USP50: variants seen among roughly 807,000 people sequenced by gnomAD.
USP50 encodes the protein ubiquitin specific peptidase 50.
Under a neutral mutation model 39.2 loss-of-function variants are expected in USP50, and 37 were observed. The observed-to-expected ratio is 0.94, with a 90% CI of 0.73 to 1.24. USP50 has a LOEUF of 1.24. Among genes scored for constraint, USP50 ranks in the 50% most tolerant of loss-of-function variants. The pLI is 0.00. For synonymous variants in USP50, 139 were observed against 144.5 expected (o/e 0.96, Z 0.27); for missense variants, 374 against 398.2 (o/e 0.94, Z 0.52).
chr15:50,504,049 T>A (rs1596002759), intron 6 of USP50: 1 of 152,318 alleles, frequency 6.6e-6, no homozygotes, highest in East Asian at 1.9e-4. Context: ...TTACGGGCTC[T>A]GCATCTTCAG....
intron 5 of USP50, among the ~76,000 whole-genome samples, chr15:50,533,059 G>A (rs929711780): frequency 4.0e-5 from 6 of 151,718 alleles, no homozygotes; most frequent in East Asian, 1.9e-4. Flanking sequence ...GTATCCCAGC[G>A]CTTTGGGAGA....
intron 4 of USP50, among the ~76,000 whole-genome samples, chr15:50,539,960 G>A (rs536904621): frequency 6.6e-6 from 1 of 152,300 alleles, no homozygotes; most frequent in Non-Finnish European, 1.5e-5. Flanking sequence ...GGAGCCACTA[G>A]CACCTTACTT....
In USP50 at chr15:50,544,623, T is replaced by C. The variant is rs1051749554; in HGVS notation, c.212A>G (p.Tyr71Cys). The change falls in exon 2 of 7, where the codon TAC becomes TGC. Residue 71 changes from tyrosine to cysteine, a missense_variant. Tyr to Cys is a radical substitution (Grantham distance 194). Transcript: ENST00000532404. Reference protein sequence around the residue: ...CLCSILPLVEYFLTGKYITAL... With the variant: ...CLCSILPLVECFLTGKYITAL... ...GGTGATATACTTCCCGGTGAGAAAG[T>C]ATTCCACCAGCGGCAAGATGCTGCA... is the stretch of plus-strand genomic sequence containing the variant. 4 of 1,613,722 alleles carry C rather than the reference T, an allele frequency of 2.5e-6. No individual in the cohort carries two copies. The highest frequency in any genetic ancestry group is 8.5e-7 in the Non-Finnish European group (1 of 1,179,826).
chr15:50,525,809 T>A (rs201861187), intron 6 of USP50, among the ~76,000 whole-genome samples: 2 of 26,764 alleles, frequency 7.5e-5, no homozygotes, highest in South Asian at 1.1e-3. Context: ...AAAAATAATA[T>A]TAATGAGTTT....
intron 6 of USP50, chr15:50,503,004 C>G (rs1477076868): frequency 6.6e-6 from 1 of 152,182 alleles, no homozygotes; most frequent in African/African-American, 2.4e-5. Context: ...CTTCGTCTTC[C>G]CCACCTCTCT....
Position 50,539,114 on chromosome 15 carries a change from T to G in USP50, c.661-263A>C, listed in dbSNP as rs1019449991. ...TAGAAATCAGTTTTTTTTGGTTTTG[T>G]TTTTTTTTTTTTTGAGATGGAGTCT... On this transcript the variant is annotated intron_variant, in intron 4 of 6. Coordinates refer to ENST00000532404, the MANE Select transcript of USP50 (RefSeq NM_203494.5). Among the ~76,000 whole-genome samples, 4 of 68,992 alleles carry G rather than the reference T, an allele frequency of 5.8e-5. 1 individual carries two copies. The highest frequency in any genetic ancestry group is 1.4e-4 in the Admixed American group (1 of 7,072). The allele number at this position is 68,992 out of a possible 152,430, so 45.3% of individuals were successfully genotyped here.
At chr15:50,536,692 T>G (rs2052983143) in intron 5 of USP50, among the ~76,000 whole-genome samples, 3 of 151,920 alleles carry the variant, frequency 2.0e-5, no homozygotes, top group African/African-American at 7.3e-5. Context: ...ACAATACCAT[T>G]CACATTAGCA....
chr15:50,525,564 GTATATA>G lies in USP50; in HGVS notation c.936+4227_936+4232del, dbSNP rs1241490284. Among the ~76,000 whole-genome samples, 110 of 131,322 alleles carry G rather than the reference GTATATA, an allele frequency of 8.4e-4. 1 individual carries two copies. The East Asian group carries it at 9.4e-3, about 11-fold the overall frequency. The allele number at this position is 131,322 out of a possible 152,430, so 86.2% of individuals were successfully genotyped here. On this transcript the variant is annotated intron_variant, in intron 6 of 6. Coordinates refer to ENST00000532404, the MANE Select transcript of USP50 (RefSeq NM_203494.5). ...TATATATGTATATATGTGTATATAT[GTATATA>G]TGTATATGTATATATGTATATGTAT...
intron 6 of USP50, among the ~76,000 whole-genome samples, chr15:50,517,646 T>C (rs966910670): frequency 6.6e-6 from 1 of 152,108 alleles, no homozygotes; most frequent in Admixed American, 6.6e-5. Context: ...AAGGAAATCA[T>C]AAAATACCTT....
At chr15:50,496,960 G>C, downstream of USP50, 1 of 1,200,268 alleles carries the variant, frequency 8.3e-7, no homozygotes, top group Admixed American at 2.5e-5. Flanking sequence ...CTTTGGGAAG[G>C]CAGGAACTCT....
rs762804116 is a variant in USP50 at position 50,544,691 on chromosome 15, G to C, written c.144C>G (p.Asn48Lys). 4 of 1,613,980 alleles carry C rather than the reference G, an allele frequency of 2.5e-6. No homozygotes were observed. In the Admixed American group the frequency reaches 6.7e-5, roughly 27 times the overall value. The change falls in exon 2 of 7, where the codon AAC becomes AAG. Residue 48 changes from asparagine to lysine, a missense_variant. Asn to Lys is a moderately conservative substitution (Grantham distance 94). Coordinates refer to ENST00000532404, the MANE Select transcript of USP50 (RefSeq NM_203494.5). ...PHFQGVTGLW[N>K]LGNTCCVNAI... ...CATTCACGCAGCATGTGTTGCCCAA[G>C]TTCCACAAGCCAGTGACACCCTGAA...
At chr15:50,494,211 A>G in intron 1 of USP50, 1 of 1,613,890 alleles carries the variant, frequency 6.2e-7, no homozygotes, top group Non-Finnish European at 8.5e-7. Context: ...AGTTTGCAGG[A>G]TACAGTCAGC....
chr15:50,531,237 C>T (rs769204226), intron 5 of USP50, among the ~76,000 whole-genome samples: 6 of 152,104 alleles, frequency 3.9e-5, no homozygotes, highest in Non-Finnish European at 5.9e-5. Context: ...AGAAATGAAG[C>T]CTTAGGCCCA....
At chr15:50,513,968 T>C (rs998928466) in intron 6 of USP50, 2 of 152,196 alleles carry the variant, frequency 1.3e-5, no homozygotes, top group African/African-American at 4.8e-5. Flanking sequence ...ACAAGAATGT[T>C]TATAGCAACC....
At chr15:50,499,110 G>C (rs766714848), downstream of USP50, 1 of 1,557,586 alleles carries the variant, frequency 6.4e-7, no homozygotes, top group African/African-American at 1.4e-5. Flanking sequence ...TTATAAACTA[G>C]TTATCTTTTA....
At chr15:50,526,074 T>C (rs2052896515) in intron 6 of USP50, among the ~76,000 whole-genome samples, 1 of 152,138 alleles carries the variant, frequency 6.6e-6, no homozygotes, top group African/African-American at 2.4e-5. Flanking sequence ...TATTATTTTA[T>C]TTTAGGCAGG....
chr15:50,509,365 A>G (rs2052708930), intron 6 of USP50: 1 of 151,314 alleles, frequency 6.6e-6, no homozygotes, highest in African/African-American at 2.4e-5. Context: ...AATAAGAGAC[A>G]AGGCGGCCGG....
chr15:50,526,881 C>T (rs2052902371), intron 6 of USP50, among the ~76,000 whole-genome samples: 1 of 152,124 alleles, frequency 6.6e-6, no homozygotes. Context: ...GTGCCTACCT[C>T]GTAGGCTAGA....
chr15:50,505,397 CTG>C (rs2052644971), intron 6 of USP50: 1 of 152,138 alleles, frequency 6.6e-6, no homozygotes, highest in Non-Finnish European at 1.5e-5. Context: ...AGAAAAATAA[CTG>C]TCAATCTGGA....
Sources: gnomAD v4.1 joint callset for allele counts (sites outside exome capture counted in the v4.1 genomes callset) on GRCh38, gnomAD v4.1.1 for gene constraint, MANE v1.5 for transcripts, NCBI Gene and HGNC (gene_info 2026-07-23, HGNC 2026-07-21) for gene names.